The following TRAM1 variants were observed in gnomAD, a reference collection of about 807,000 sequenced individuals.
TRAM1 encodes translocation associated membrane protein 1.
Under a neutral mutation model 48.7 loss-of-function variants are expected in TRAM1, and 17 were observed. The observed-to-expected ratio is 0.35, with a 90% CI of 0.24 to 0.52. The LOEUF is 0.52. Ranked by LOEUF, TRAM1 falls within the 20% of genes least tolerant of loss-of-function variation. The probability of loss-of-function intolerance (pLI) is 0.94; values close to 1 mark genes in which losing one functional copy is unlikely to be tolerated. For synonymous variants in TRAM1, 182 were observed against 154.0 expected (o/e 1.18, Z -1.34); for missense variants, 351 against 441.5 (o/e 0.79, Z 1.84).
intron 6 of TRAM1, among the ~76,000 whole-genome samples, chr8:70,588,276 T>C (rs1563384459): frequency 6.6e-6 from 1 of 151,966 alleles, no homozygotes; most frequent in Non-Finnish European, 1.5e-5. Context: ...CCAGCATCTT[T>C]TAAAACATGA....
At chr8:70,603,173 G>C (rs1817639624) in intron 1 of TRAM1, among the ~76,000 whole-genome samples, 1 of 152,030 alleles carries the variant, frequency 6.6e-6, no homozygotes, top group African/African-American at 2.4e-5. Flanking sequence ...CTACTTTCAT[G>C]TGATTATTTT....
chr8:70,587,207 T>C (rs1293455366), intron 6 of TRAM1, 31 bp from the exon 7 acceptor site: 4 of 1,597,294 alleles, frequency 2.5e-6, no homozygotes, highest in Admixed American at 3.4e-5. Context: ...GATTAAAACA[T>C]GCTAAAACAT....
chr8:70,577,394 TAC>T (rs140677502), intron 10 of TRAM1, among the ~76,000 whole-genome samples: 2,595 of 152,232 alleles, frequency 0.017, 38 homozygotes, highest in South Asian at 0.03. Context: ...AGTGAGAACT[TAC>T]AGTGTTTTCT....
At chr8:70,595,136 T>A (rs1001883292) in intron 5 of TRAM1, among the ~76,000 whole-genome samples, 1 of 151,474 alleles carries the variant, frequency 6.6e-6, no homozygotes, top group Non-Finnish European at 1.5e-5. Context: ...TTAAAGACAG[T>A]CAGAATAAGG....
chr8:70,607,936 G>C, intron 1 of TRAM1, 141 bp downstream of exon 1: 1 of 1,072,284 alleles, frequency 9.3e-7, no homozygotes, highest in Non-Finnish European at 1.2e-6. Flanking sequence ...GGGAAGGCCT[G>C]CACCTCAGGG....
At chr8:70,584,192 GAAAT>G (rs1274771065) in intron 8 of TRAM1, among the ~76,000 whole-genome samples, 3 of 152,080 alleles carry the variant, frequency 2.0e-5, no homozygotes, top group Admixed American at 1.3e-4. Flanking sequence ...AACAATCCAG[GAAAT>G]AAATGTTTAA....
intron 8 of TRAM1, 136 bp downstream of exon 8, chr8:70,586,755 CTAAA>C: frequency 3.0e-6 from 2 of 662,928 alleles, no homozygotes; most frequent in South Asian, 4.1e-5. Flanking sequence ...GTCTGAATTG[CTAAA>C]TAATTTCGTT....
intron 6 of TRAM1, among the ~76,000 whole-genome samples, chr8:70,588,313 C>T (rs1356166654): frequency 6.6e-6 from 1 of 151,906 alleles, no homozygotes; most frequent in Non-Finnish European, 1.5e-5. Flanking sequence ...TGGCCAGGCA[C>T]CATGACTCAC....
At chr8:70,601,367 C>T (rs1356235846) in intron 1 of TRAM1, among the ~76,000 whole-genome samples, 2 of 152,218 alleles carry the variant, frequency 1.3e-5, no homozygotes, top group African/African-American at 4.8e-5. Flanking sequence ...CCCATCAGAT[C>T]TCAGTTGCAT....
intron 1 of TRAM1, chr8:70,607,178 G>GT: frequency 1.0e-6 from 1 of 985,336 alleles, no homozygotes; most frequent in Non-Finnish European, 1.2e-6. Flanking sequence ...AACGTAGGAT[G>GT]TTACTCGTTC....
At chr8:70,598,035 T>A in intron 3 of TRAM1, 24 bp from the exon 4 acceptor site, 2 of 1,529,392 alleles carry the variant, frequency 1.3e-6, no homozygotes, top group Non-Finnish European at 1.8e-6. Flanking sequence ...CAGCCATTAG[T>A]AATTAAGAAT....
chr8:70,574,073 A>T lies in TRAM1; in HGVS notation c.*859T>A, dbSNP rs1045739416. ...TTTTATAGATATAAATCAAGTAGGC[A>T]TTATGTTTTAAAAGTGTTTGCAGGT... On this transcript the variant is annotated 3_prime_UTR_variant, in exon 11 of 11. Transcript: ENST00000262213. 8.1e-6 allele frequency: 2 copies of T among 247,834 alleles called. No individual in the cohort carries two copies. The highest frequency in any genetic ancestry group is 4.7e-5 in the African/African-American group (2 of 42,238). 15.4% of individuals were successfully genotyped at this position (247,834 alleles called of 1,614,324 possible). A position where few individuals can be genotyped will look rare whatever the true frequency, so the allele number is the denominator to read the frequency against.
chr8:70,576,067 T>A (rs1167879294), intron 10 of TRAM1, among the ~76,000 whole-genome samples: 2 of 75,466 alleles, frequency 2.7e-5, no homozygotes, highest in Non-Finnish European at 2.6e-5. Context: ...CTAGACTCCA[T>A]CTAAAAAAAA....
chr8:70,605,638 A>C lies in TRAM1; in HGVS notation c.123+2439T>G, dbSNP rs996338352. Among the ~76,000 whole-genome samples, 8 of 152,258 alleles carry C rather than the reference A, an allele frequency of 5.3e-5. No homozygotes were observed. In the East Asian group the frequency reaches 1.2e-3, roughly 22 times the overall value. On this transcript the variant is annotated intron_variant, in intron 1 of 10. Coordinates refer to ENST00000262213, the MANE Select transcript of TRAM1 (RefSeq NM_014294.6). Reference sequence around the variant, plus strand: ...GCAATTGTTTTAAAAGTCGAATAGCAAAACTAACCTAGTCTACAAAGTCCT... The same window carrying C: ...GCAATTGTTTTAAAAGTCGAATAGCCAAACTAACCTAGTCTACAAAGTCCT...
chr8:70,582,858 C>G (rs1036945458), intron 10 of TRAM1, among the ~76,000 whole-genome samples: 1 of 152,136 alleles, frequency 6.6e-6, no homozygotes. Flanking sequence ...AAACAAACTA[C>G]CATCCTCAGG....
chr8:70,583,683 A>C lies in TRAM1; in HGVS notation c.857T>G (p.Phe286Cys), dbSNP rs187696096. 401 of 1,613,308 alleles carry C rather than the reference A, an allele frequency of 2.5e-4. 1 individual carries two copies. In the East Asian group the frequency reaches 6.9e-3, roughly 28 times the overall value. ...LARAENQKLD[F>C]STGNFNVLAV... is the part of the protein sequence containing the mutation. ...TAACACATTGAAGTTTCCAGTACTG[A>C]AATCCAGCTTCTGATTTTCTGCTCT... Residue 286 changes from phenylalanine (F) to cysteine (C), a missense_variant, in exon 9 of 11, where the codon TTC (phenylalanine) becomes TGC (cysteine). Coordinates refer to ENST00000262213, the MANE Select transcript of TRAM1 (RefSeq NM_014294.6).
At chr8:70,583,548 C>T in intron 9 of TRAM1, 102 bp downstream of exon 9, 1 of 1,464,206 alleles carries the variant, frequency 6.8e-7, no homozygotes, top group East Asian at 2.3e-5. Flanking sequence ...AGTATTTTCC[C>T]CAACCTCATA....
chr8:70,583,571 T>C, intron 9 of TRAM1, 79 bp downstream of exon 9: 2 of 1,524,962 alleles, frequency 1.3e-6, no homozygotes, highest in South Asian at 1.3e-5. Context: ...CATCCTTTTT[T>C]AGATGATTCA....
At chr8:70,599,403 T>C (rs1817558778) in intron 2 of TRAM1, among the ~76,000 whole-genome samples, 1 of 152,332 alleles carries the variant, frequency 6.6e-6, no homozygotes, top group South Asian at 2.1e-4. Context: ...CCCTCACCCA[T>C]GCTAGTTAAT....
Sources: gnomAD v4.1 joint callset for allele counts (sites outside exome capture counted in the v4.1 genomes callset) on GRCh38, gnomAD v4.1.1 for gene constraint, MANE v1.5 for transcripts, NCBI Gene and HGNC (gene_info 2026-07-23, HGNC 2026-07-21) for gene names.